The following SIRT5 variants were observed in gnomAD, a reference collection of about 807,000 sequenced individuals.
The protein encoded by SIRT5 is NAD-dependent protein deacylase sirtuin-5, mitochondrial.
SIRT5 carries 26 observed loss-of-function variants against 40.0 expected under a neutral mutation model. That is an observed-to-expected ratio of 0.65 (90% CI 0.48 to 0.90). SIRT5 has a LOEUF of 0.90. Among genes scored for constraint, SIRT5 ranks in the 40% least tolerant of loss-of-function variants. The probability of loss-of-function intolerance (pLI) is 0.00; values close to 1 mark genes in which losing one functional copy is unlikely to be tolerated. For missense variants in SIRT5, 401 were observed against 402.4 expected (o/e 1.00, Z 0.03); for synonymous variants, 146 against 149.1 (o/e 0.98, Z 0.15).
chr6:13,581,063 A>G (rs139636991), intron 2 of SIRT5, among the ~76,000 whole-genome samples: 46 of 152,256 alleles, frequency 3.0e-4, no homozygotes, highest in Middle Eastern at 3.4e-3. Flanking sequence ...CATTTACCCA[A>G]TTTCCTCTAA....
At chr6:13,587,321 T>C (rs1760210802) in intron 3 of SIRT5, among the ~76,000 whole-genome samples, 1 of 152,122 alleles carries the variant, frequency 6.6e-6, no homozygotes, top group Admixed American at 6.5e-5. Flanking sequence ...CCACAGCGCT[T>C]ACCTTACAAG....
intron 3 of SIRT5, among the ~76,000 whole-genome samples, chr6:13,585,993 GTGA>G (rs1239358065): frequency 6.6e-6 from 1 of 152,190 alleles, no homozygotes; most frequent in Non-Finnish European, 1.5e-5. Context: ...CTGATGGCCA[GTGA>G]TGATGAGCAT....
chr6:13,575,183 T>G (rs1451165345), intron 1 of SIRT5, among the ~76,000 whole-genome samples: 1 of 151,912 alleles, frequency 6.6e-6, no homozygotes, highest in Non-Finnish European at 1.5e-5. Context: ...AGCTGCCTCT[T>G]GGACACAGGG....
intron 9 of SIRT5, chr6:13,605,646 G>A (rs1763006537): frequency 1.0e-6 from 1 of 985,362 alleles, no homozygotes; most frequent in Non-Finnish European, 1.2e-6. Flanking sequence ...TCCAGTTTTG[G>A]TTTTGTCGTT....
intron 5 of SIRT5, among the ~76,000 whole-genome samples, chr6:13,594,405 G>T (rs1156985264): frequency 1.3e-5 from 2 of 152,140 alleles, no homozygotes; most frequent in African/African-American, 4.8e-5. Context: ...TTTCCTCCCG[G>T]CCCCTGTCCC....
At chr6:13,580,594 T>C (rs190843482) in intron 2 of SIRT5, among the ~76,000 whole-genome samples, 6 of 152,210 alleles carry the variant, frequency 3.9e-5, no homozygotes. Flanking sequence ...CTTCTCTGTC[T>C]CTCTTTCCCT....
intron 3 of SIRT5, among the ~76,000 whole-genome samples, chr6:13,586,556 G>A (rs1760106709): frequency 6.6e-6 from 1 of 152,182 alleles, no homozygotes; most frequent in Non-Finnish European, 1.5e-5. Context: ...TTGTAGATGT[G>A]TGGTGTTATT....
intron 4 of SIRT5, 100 bp from the exon 5 acceptor site, chr6:13,591,569 G>A (rs1490683553): frequency 9.0e-6 from 9 of 996,758 alleles, no homozygotes; most frequent in South Asian, 5.5e-5. Flanking sequence ...CCTTCCCGAC[G>A]CTGCCTGTCT....
intron 1 of SIRT5, among the ~76,000 whole-genome samples, chr6:13,577,865 A>G (rs1357149328): frequency 6.6e-6 from 1 of 152,048 alleles, no homozygotes. Context: ...TGAATAGACA[A>G]TGTGAGAGTG....
At chr6:13,601,053 G>C (rs1030294674) in intron 9 of SIRT5, 104 bp downstream of exon 9, 5 of 845,222 alleles carry the variant, frequency 5.9e-6, no homozygotes, top group Non-Finnish European at 1.8e-6. Context: ...AAAGACATAG[G>C]GTTTGTGTTT....
At chr6:13,596,810 GTCCT>G (rs889019780) in intron 6 of SIRT5, among the ~76,000 whole-genome samples, 149 bp from the exon 7 acceptor site, 2 of 152,172 alleles carry the variant, frequency 1.3e-5, no homozygotes, top group African/African-American at 2.4e-5. Flanking sequence ...ATGGCTTGGG[GTCCT>G]TCCTTCTAAT....
chr6:13,599,455 T>A (rs1391293178), intron 8 of SIRT5, among the ~76,000 whole-genome samples: 2 of 152,238 alleles, frequency 1.3e-5, no homozygotes, highest in African/African-American at 4.8e-5. Context: ...ATTGGTTTTT[T>A]AAATAATACA....
intron 1 of SIRT5, among the ~76,000 whole-genome samples, chr6:13,575,021 C>T (rs1758410814): frequency 6.6e-6 from 1 of 152,140 alleles, no homozygotes; most frequent in Admixed American, 6.5e-5. Context: ...TCAGGTTCTG[C>T]TGAGCAGCTT....
chr6:13,597,124 A>G, intron 7 of SIRT5, 108 bp downstream of exon 7: 1 of 819,532 alleles, frequency 1.2e-6, no homozygotes, highest in East Asian at 2.6e-5. Context: ...CTTAAATCAA[A>G]TGCACAAATG....
Position 13,608,624 on chromosome 6 carries a change from A to G in SIRT5, c.858-3166A>G, listed in dbSNP as rs556674767. Among the ~76,000 whole-genome samples the G allele has an allele frequency of 3.9e-5, 6 of 152,000 alleles. No individual in the cohort carries two copies. In the South Asian group the frequency reaches 1.2e-3, roughly 32 times the overall value. On this transcript the variant is annotated intron_variant, in intron 9 of 9. Transcript: ENST00000606117. ...AAGAGAGAGAGAAAGAAAATCTTTT[A>G]CTGACTACCTATTATACTTCTACAG...
chr6:13,581,975 A>G (rs1759399598), intron 2 of SIRT5, among the ~76,000 whole-genome samples: 1 of 152,186 alleles, frequency 6.6e-6, no homozygotes, highest in South Asian at 2.1e-4. Flanking sequence ...AAGATCCATT[A>G]ACAGCATCAA....
intron 9 of SIRT5, among the ~76,000 whole-genome samples, chr6:13,606,823 A>G (rs761233219): frequency 6.6e-6 from 1 of 152,110 alleles, no homozygotes; most frequent in Non-Finnish European, 1.5e-5. Context: ...CTGGGATTAC[A>G]GGCGTGCACC....
At chr6:13,600,139 T>C (rs1762172955) in intron 8 of SIRT5, among the ~76,000 whole-genome samples, 1 of 152,240 alleles carries the variant, frequency 6.6e-6, no homozygotes, top group Non-Finnish European at 1.5e-5. Context: ...AGGACACATT[T>C]CCTAAAAGTG....
chr6:13,596,486 T>A (rs1439993186), intron 6 of SIRT5, among the ~76,000 whole-genome samples: 2 of 151,906 alleles, frequency 1.3e-5, no homozygotes, highest in Admixed American at 6.6e-5. Context: ...GTACAACCAC[T>A]GGTGATTTTT....
Sources: allele counts gnomAD v4.1 joint callset (sites outside exome capture counted in the v4.1 genomes callset), GRCh38; gene constraint gnomAD v4.1.1; transcripts MANE v1.5; gene names NCBI Gene and HGNC (gene_info 2026-07-23, HGNC 2026-07-21).